The following PRCP variants were observed in gnomAD, a reference collection of about 807,000 sequenced individuals.
The protein encoded by PRCP is lysosomal Pro-X carboxypeptidase.
Under a neutral mutation model 54.2 loss-of-function variants are expected in PRCP, and 46 were observed. The observed-to-expected ratio is 0.85, with a 90% CI of 0.67 to 1.09. The LOEUF (loss-of-function observed/expected upper bound fraction) is 1.09, where lower values mean the gene tolerates loss of function less well. Ranked by LOEUF, PRCP falls within the 50% of genes least tolerant of loss-of-function variation. The pLI is 0.00. For synonymous variants in PRCP, 240 were observed against 212.2 expected, an observed-to-expected ratio of 1.13 and a Z score of -1.14; for missense variants, 613 against 596.8, an observed-to-expected ratio of 1.03 and a Z score of -0.28.
chr11:82,873,581 A>G (rs1859530193), intron 1 of PRCP, among the ~76,000 whole-genome samples: 1 of 152,272 alleles, frequency 6.6e-6, no homozygotes. Flanking sequence ...CCCTGGTGAG[A>G]TAAAAGACAT....
intron 1 of PRCP, among the ~76,000 whole-genome samples, chr11:82,880,006 C>G (rs1206880368): frequency 6.6e-6 from 1 of 152,226 alleles, no homozygotes; most frequent in Non-Finnish European, 1.5e-5. Flanking sequence ...AGGAGGCAGT[C>G]TGTCCATTCT....
chr11:82,865,481 C>A (rs1280052684), intron 1 of PRCP, among the ~76,000 whole-genome samples: 1 of 152,144 alleles, frequency 6.6e-6, no homozygotes, highest in Non-Finnish European at 1.5e-5. Flanking sequence ...CTGATAAAAC[C>A]AAAATCACAT....
chr11:82,900,516 C>A, upstream of PRCP: 1 of 1,413,004 alleles, frequency 7.1e-7, no homozygotes, highest in South Asian at 1.2e-5. Flanking sequence ...CAGCTCCTCC[C>A]AGGGGAAACC....
chr11:82,876,090 C>A (rs747502363), intron 1 of PRCP, among the ~76,000 whole-genome samples: 2 of 152,228 alleles, frequency 1.3e-5, no homozygotes, highest in Non-Finnish European at 2.9e-5. Flanking sequence ...AAGGAGAATG[C>A]TCCTTCTCTG....
intron 6 of PRCP, among the ~76,000 whole-genome samples, chr11:82,845,090 A>C (rs74939776): frequency 0.015 from 2,292 of 152,184 alleles, 61 homozygotes; most frequent in African/African-American, 0.051. Context: ...TCCTAGAATA[A>C]AGATGAACAT....
intron 6 of PRCP, among the ~76,000 whole-genome samples, chr11:82,847,394 T>C (rs1858833093): frequency 6.6e-6 from 1 of 152,226 alleles, no homozygotes. Context: ...CACCTCTTAG[T>C]TGAGCTTTAA....
intron 8 of PRCP, chr11:82,835,883 G>A: frequency 2.2e-6 from 1 of 457,730 alleles, no homozygotes; most frequent in South Asian, 1.6e-5. Flanking sequence ...GATCCCAGAT[G>A]AGGATGGAAT....
chr11:82,865,929 A>G (rs1859322351), intron 1 of PRCP, among the ~76,000 whole-genome samples: 1 of 152,174 alleles, frequency 6.6e-6, no homozygotes, highest in African/African-American at 2.4e-5. Flanking sequence ...AGTTTAGACA[A>G]GCCCTAGATC....
At chr11:82,858,476 T>C (rs1381359570) in intron 2 of PRCP, 1 of 152,236 alleles carries the variant, frequency 6.6e-6, no homozygotes, top group African/African-American at 2.4e-5. Flanking sequence ...TCTTCTATGA[T>C]CTGCCTCTAG....
intron 1 of PRCP, among the ~76,000 whole-genome samples, chr11:82,895,598 TTC>T (rs1387534324): frequency 6.6e-6 from 1 of 152,210 alleles, no homozygotes; most frequent in East Asian, 1.9e-4. Context: ...CTAAAAATGA[TTC>T]TGTGTCACCA....
intron 1 of PRCP, among the ~76,000 whole-genome samples, chr11:82,867,173 A>T (rs1286042462): frequency 6.6e-6 from 1 of 152,214 alleles, no homozygotes; most frequent in Non-Finnish European, 1.5e-5. Flanking sequence ...AGCTATTATA[A>T]ATTCAATAAT....
intron 1 of PRCP, among the ~76,000 whole-genome samples, chr11:82,880,926 C>T (rs1307315047): frequency 3.3e-5 from 5 of 152,058 alleles, no homozygotes; most frequent in African/African-American, 1.2e-4. Flanking sequence ...TGCCTGCTCC[C>T]ACAAACAGAA....
chr11:82,851,964 C>T (rs1313667189), intron 3 of PRCP, among the ~76,000 whole-genome samples: 1 of 152,048 alleles, frequency 6.6e-6, no homozygotes, highest in Non-Finnish European at 1.5e-5. Context: ...CTAATCCTTG[C>T]ATAATATCTA....
At chr11:82,832,405 G>A (rs976673316) in intron 8 of PRCP, among the ~76,000 whole-genome samples, 5 of 152,040 alleles carry the variant, frequency 3.3e-5, no homozygotes, top group Admixed American at 1.3e-4. Context: ...TCTAACTGGC[G>A]TGAAATGGTG....
chr11:82,889,202 A>T (rs188759185), intron 1 of PRCP, among the ~76,000 whole-genome samples: 1,633 of 151,694 alleles, frequency 0.011, 23 homozygotes, highest in African/African-American at 0.034. Context: ...TCTTTTTTTT[A>T]AAAAAAATAT....
At position 82,849,029 on chromosome 11, in the gene PRCP, A is replaced by T. The variant is rs372031947; in HGVS notation, c.921+20T>A. On this transcript the variant is annotated intron_variant, in intron 6 of 8. Coordinates refer to ENST00000313010, the MANE Select transcript of PRCP (RefSeq NM_005040.4). The stretch of plus-strand genomic sequence containing the variant: ...AAAAGTGTGTTATTAAAAAATGATG[A>T]CAGGACATTTTCCTATTACCTTGAT... The T allele has an allele frequency of 1.6e-5, 25 of 1,603,024 alleles. No individual in the cohort carries two copies. In the African/African-American group the frequency reaches 2.8e-4, roughly 18 times the overall value.
chr11:82,877,044 G>GAA (rs1219308366), intron 1 of PRCP, among the ~76,000 whole-genome samples: 1 of 151,952 alleles, frequency 6.6e-6, no homozygotes, highest in Non-Finnish European at 1.5e-5. Context: ...CGGAGATGAG[G>GAA]AACTTGTTGG....
At chr11:82,899,341 CAGA>C (rs1302475414) in intron 1 of PRCP, among the ~76,000 whole-genome samples, 16 of 152,346 alleles carry the variant, frequency 1.1e-4, no homozygotes, top group African/African-American at 3.6e-4. Context: ...ACTAGGCTCA[CAGA>C]AGTACTGTAA....
chr11:82,873,941 T>C (rs956453434), intron 1 of PRCP, among the ~76,000 whole-genome samples: 1 of 152,220 alleles, frequency 6.6e-6, no homozygotes, highest in East Asian at 1.9e-4. Context: ...AAACTCCAAC[T>C]CAAATTCGCA....
Sources: gnomAD v4.1 joint callset for allele counts (sites outside exome capture counted in the v4.1 genomes callset) on GRCh38, gnomAD v4.1.1 for gene constraint, MANE v1.5 for transcripts, NCBI Gene and HGNC (gene_info 2026-07-23, HGNC 2026-07-21) for gene names.